Variants in TAF8 observed in about 807,000 individuals in gnomAD.
TAF8 encodes transcription initiation factor TFIID subunit 8.
Under a neutral mutation model 36.5 loss-of-function variants are expected in TAF8, and 47 were observed. The ratio of observed to expected loss-of-function variants is 1.29; its 90% CI spans 1.02 to 1.64. The LOEUF is 1.64. Ranked by LOEUF, TAF8 falls within the 40% of genes most tolerant of loss-of-function variation. The pLI is 0.00. For missense variants in TAF8, 420 were observed against 407.6 expected (o/e 1.03, Z -0.26); for synonymous variants, 175 against 159.5 (o/e 1.10, Z -0.73).
At chr6:42,067,591 A>G (rs1004153213) in intron 6 of TAF8, among the ~76,000 whole-genome samples, 4 of 152,134 alleles carry the variant, frequency 2.6e-5, no homozygotes, top group Admixed American at 2.6e-4. Flanking sequence ...CTGTTTTGAG[A>G]CAGGATCTCA....
At chr6:42,077,473 C>G in intron 8 of TAF8, 60 bp from the exon 9 acceptor site, 1 of 1,602,554 alleles carries the variant, frequency 6.2e-7, no homozygotes, top group Admixed American at 1.7e-5. Context: ...GCAGTTTTCC[C>G]CTAGAAGGAG....
At position 42,080,668 on chromosome 6, in the gene TAF8, C is replaced by T. The variant is rs781295914; in HGVS notation, c.*3123C>T. ...GTGGGATTACAGGCATGAGCCACCG[C>T]GCCTGGCCTCAGAGGCTATACTCTT... is the stretch of plus-strand genomic sequence containing the variant. On this transcript the variant is annotated 3_prime_UTR_variant, in exon 9 of 9. Transcript: ENST00000372977. The T allele has an allele frequency of 2.0e-5, 20 of 984,320 alleles. No individual in the cohort carries two copies. In the Admixed American group the frequency reaches 3.1e-4, roughly 15 times the overall value. The allele number at this position is 984,320 out of a possible 1,614,324, so 61.0% of individuals were successfully genotyped here.
chr6:42,068,394 G>T, intron 6 of TAF8, 71 bp from the exon 7 acceptor site: 4 of 1,567,600 alleles, frequency 2.6e-6, no homozygotes, highest in South Asian at 1.1e-5. Flanking sequence ...TTTGTTGTGA[G>T]GCTCTAGGAC....
chr6:42,063,545 G>A (rs998194059), intron 5 of TAF8: 7 of 152,086 alleles, frequency 4.6e-5, no homozygotes, highest in African/African-American at 7.2e-5. Flanking sequence ...CTTTTCTAGC[G>A]GGAGCAATTG....
chr6:42,077,028 C>G, intron 7 of TAF8, 72 bp from the exon 8 acceptor site: 1 of 1,516,354 alleles, frequency 6.6e-7, no homozygotes, highest in Non-Finnish European at 8.9e-7. Context: ...TGCTAATGGT[C>G]ATTCCAATTA....
intron 7 of TAF8, among the ~76,000 whole-genome samples, chr6:42,070,211 G>A (rs987057122): frequency 2.0e-5 from 3 of 152,026 alleles, no homozygotes; most frequent in African/African-American, 4.8e-5. Flanking sequence ...ACTAAAGGCC[G>A]GGCGCGGTGG....
downstream of TAF8, among the ~76,000 whole-genome samples, chr6:42,083,680 C>G (rs546654672): frequency 2.0e-5 from 3 of 151,368 alleles, no homozygotes; most frequent in South Asian, 6.3e-4. Context: ...TGATGCCCCA[C>G]AGAGGGGCAC....
chr6:42,056,987 T>TG (rs1395309776), intron 4 of TAF8, among the ~76,000 whole-genome samples: 1 of 152,230 alleles, frequency 6.6e-6, no homozygotes, highest in African/African-American at 2.4e-5. Context: ...GAAGGTGCCA[T>TG]TTTCAATCCC....
At chr6:42,076,729 G>T (rs1270498970) in intron 7 of TAF8, among the ~76,000 whole-genome samples, 1 of 152,070 alleles carries the variant, frequency 6.6e-6, no homozygotes, top group African/African-American at 2.4e-5. Flanking sequence ...AGTCATGCAG[G>T]GCATCCAGGA....
rs1442229827 is a variant in TAF8, at chr6:42,077,689, C to T, written c.*144C>T. 2 of 1,498,722 alleles carry T rather than the reference C, an allele frequency of 1.3e-6. No individual in the cohort carries two copies. Among genetic ancestry groups the T allele is most frequent in the Non-Finnish European group, 1.8e-6 (2 of 1,125,994 alleles). The allele number at this position is 1,498,722 out of a possible 1,614,324, so 92.8% of individuals were successfully genotyped here. A position where few individuals can be genotyped will look rare whatever the true frequency, so the allele number is the denominator to read the frequency against. On this transcript the variant is annotated 3_prime_UTR_variant, in exon 9 of 9. Transcript: ENST00000372977. The stretch of plus-strand genomic sequence containing the variant: ...ATCGGACATGATTTTCATGGCAAAC[C>T]GTCTTATTAAGATGACCTATTTTCA...
intron 7 of TAF8, among the ~76,000 whole-genome samples, chr6:42,073,116 A>G (rs1479354458): frequency 2.6e-5 from 4 of 152,208 alleles, no homozygotes; most frequent in Non-Finnish European, 5.9e-5. Flanking sequence ...ACCTGGTTCT[A>G]GTTTCTCCAT....
chr6:42,072,791 C>T (rs757819207), intron 7 of TAF8, among the ~76,000 whole-genome samples: 34 of 151,886 alleles, frequency 2.2e-4, no homozygotes, highest in Non-Finnish European at 4.4e-4. Flanking sequence ...GGCGTGATCT[C>T]GGCTCGCTGC....
rs1049110622 is a variant in TAF8 at position 42,078,645 on chromosome 6, C to T, written c.*1100C>T. Reference sequence around the variant, plus strand: ...TCCTCCCGTCGGCATTTGACGAAAGCTCCCTGAAGCGGGGCAGCACTCTCC... The same window carrying T: ...TCCTCCCGTCGGCATTTGACGAAAGTTCCCTGAAGCGGGGCAGCACTCTCC... On this transcript the variant is annotated 3_prime_UTR_variant, in exon 9 of 9. Coordinates refer to ENST00000372977, the MANE Select transcript of TAF8 (RefSeq NM_138572.3). 1.0e-6 allele frequency: 1 copy of T among 985,332 alleles called. No homozygotes were observed. Among genetic ancestry groups the T allele is most frequent in the Non-Finnish European group, 1.2e-6 (1 of 829,954 alleles). The allele number at this position is 985,332 out of a possible 1,614,324, so 61.0% of individuals were successfully genotyped here.
At chr6:42,051,319 C>T (rs1764772997) in intron 1 of TAF8, 38 bp from the exon 2 acceptor site, 1 of 1,595,144 alleles carries the variant, frequency 6.3e-7, no homozygotes, top group Non-Finnish European at 8.6e-7. Context: ...TGATTGCATC[C>T]TTCTCCTGTG....
At chr6:42,071,311 CTTTTTTTTTTT>C (rs70987566) in intron 7 of TAF8, 10 of 121,726 alleles carry the variant, frequency 8.2e-5, no homozygotes, top group South Asian at 3.3e-4. Context: ...CCTGGACATA[CTTTTTTTTTTT>C]TTTTTTTTTT....
intron 2 of TAF8, among the ~76,000 whole-genome samples, chr6:42,052,467 G>A (rs868865693): frequency 1.3e-5 from 2 of 152,006 alleles, no homozygotes; most frequent in African/African-American, 4.8e-5. Flanking sequence ...GATCATAGGC[G>A]TGCACCACCA....
In TAF8 at chr6:42,080,763, C is replaced by G. The variant is rs1765898609; in HGVS notation, c.*3218C>G. On this transcript the variant is annotated 3_prime_UTR_variant, in exon 9 of 9. Transcript: ENST00000372977. ...GAAACATTGACCCTGTATAAAAATGCAAAATTCTCAATGTGTATTTATAAA... is the reference window on the plus strand; with the variant it reads ...GAAACATTGACCCTGTATAAAAATGGAAAATTCTCAATGTGTATTTATAAA... 1.0e-6 allele frequency: 1 copy of G among 983,718 alleles called. No individual in the cohort carries two copies. Among genetic ancestry groups the G allele is most frequent in the Non-Finnish European group, 1.2e-6 (1 of 828,552 alleles). The allele number at this position is 983,718 out of a possible 1,614,324, so 60.9% of individuals were successfully genotyped here.
In TAF8 at chr6:42,051,496, CAG is replaced by C. The variant is rs1257879295; in HGVS notation, c.189_190del (p.Glu63AspfsTer18). 1 of 1,613,880 alleles carries C rather than the reference CAG, an allele frequency of 6.2e-7. No homozygotes were observed. Among genetic ancestry groups the C allele is most frequent in the East Asian group, 2.2e-5 (1 of 44,898 alleles). ...GAGAAAGCATCCGTGGAAACGCTGA[CAG>C]AGATGCTGCAGAGCTGTGAGTACAT... On this transcript the variant is annotated frameshift_variant, in exon 2 of 9. Coordinates refer to ENST00000372977, the MANE Select transcript of TAF8 (RefSeq NM_138572.3). LOFTEE classifies it high-confidence loss of function.
rs972532436 is a variant in TAF8, at chr6:42,081,795, C to G, written c.*4250C>G. ...TGCTGAGGTTACAGGCGTGAGCCCC[C>G]GCGCCTGGCTCTTCTGGAGTATTTT... is the stretch of plus-strand genomic sequence containing the variant. On this transcript the variant is annotated 3_prime_UTR_variant, in exon 9 of 9. Transcript: ENST00000372977. 6.6e-6 allele frequency: 1 copy of G among 152,176 alleles called. No individual in the cohort carries two copies. The highest frequency in any genetic ancestry group is 2.4e-5 in the African/African-American group (1 of 41,426). 9.4% of individuals were successfully genotyped at this position (152,176 alleles called of 1,614,324 possible).
Sources: allele counts gnomAD v4.1 joint callset (sites outside exome capture counted in the v4.1 genomes callset), GRCh38; gene constraint gnomAD v4.1.1; transcripts MANE v1.5; gene names NCBI Gene and HGNC (gene_info 2026-07-23, HGNC 2026-07-21).